The following UNC79 variants were observed in gnomAD, a reference collection of about 807,000 sequenced individuals.
UNC79 encodes the protein protein unc-79 homolog.
Under a neutral mutation model 283.1 loss-of-function variants are expected in UNC79, and 37 were observed. The observed-to-expected ratio is 0.13, with a 90% CI of 0.10 to 0.17. UNC79 has a LOEUF of 0.17. UNC79 is among the 10% of genes least tolerant of loss of function. The pLI is 1.00. For missense variants in UNC79, 2,272 were observed against 3,211.1 expected (o/e 0.71, Z 7.07); for synonymous variants, 1,107 against 1,200.2 (o/e 0.92, Z 1.61).
chr14:93,357,370 C>T (rs1295302552), intron 1 of UNC79, among the ~76,000 whole-genome samples: 1 of 151,848 alleles, frequency 6.6e-6, no homozygotes, highest in Non-Finnish European at 1.5e-5. Context: ...GAGGGTGTTG[C>T]CAAAGGAGAT....
intron 13 of UNC79, among the ~76,000 whole-genome samples, chr14:93,542,087 C>A (rs1479473459): frequency 2.0e-5 from 3 of 149,738 alleles, no homozygotes; most frequent in African/African-American, 7.4e-5. Flanking sequence ...TACTAATACA[C>A]AATTCTTAGC....
At chr14:93,614,127 A>G (rs970944142) in intron 27 of UNC79, among the ~76,000 whole-genome samples, 3 of 152,012 alleles carry the variant, frequency 2.0e-5, no homozygotes, top group East Asian at 1.9e-4. Context: ...TATACATACA[A>G]TTTGCCATTT....
chr14:93,617,394 A>C lies in UNC79; in HGVS notation c.4224+90A>C. The C allele has an allele frequency of 7.2e-7, 1 of 1,388,992 alleles. No individual in the cohort carries two copies. Among genetic ancestry groups the C allele is most frequent in the Non-Finnish European group, 9.7e-7 (1 of 1,036,042 alleles). The allele number at this position is 1,388,992 out of a possible 1,614,324, so 86.0% of individuals were successfully genotyped here. ...AGAACACCTGAGTCTTTAGTTGAAA[A>C]TTTTGTAGAAGTTTGACCTTCAGAA... On this transcript the variant is annotated intron_variant, in intron 28 of 48. Coordinates refer to ENST00000555664, the Ensembl canonical transcript of UNC79. This position sits in a 1 kb window ranked among gnomAD's most constrained non-coding sequence, Gnocchi z 4.5.
rs757260270 is a variant in UNC79, at chr14:93,704,683, G to T, written c.7590+17G>T. The stretch of plus-strand genomic sequence containing the variant: ...AATATCAAGGTAAGTCACTCCCTGG[G>T]CTGATTGGAAGCTCGGTTTCCTGCA... On this transcript the variant is annotated intron_variant, in intron 48 of 48. Transcript: ENST00000555664. 3 of 1,614,104 alleles carry T rather than the reference G, an allele frequency of 1.9e-6. No individual in the cohort carries two copies. In the South Asian group the frequency reaches 3.3e-5, roughly 18 times the overall value.
At chr14:93,446,433 T>C (rs2056462560) in intron 1 of UNC79, among the ~76,000 whole-genome samples, 2 of 151,646 alleles carry the variant, frequency 1.3e-5, no homozygotes, top group South Asian at 4.2e-4. Flanking sequence ...TTTTGCTCTG[T>C]TGCCCAGGCT....
intron 1 of UNC79, among the ~76,000 whole-genome samples, chr14:93,452,539 C>T (rs8007087): frequency 0.63 from 94,853 of 151,724 alleles, 30,409 homozygotes; most frequent in Middle Eastern, 0.77. Context: ...CAGGTGCTCA[C>T]CACCATGCCC....
At chr14:93,354,613 T>G (rs2054047926) in intron 1 of UNC79, among the ~76,000 whole-genome samples, 1 of 152,188 alleles carries the variant, frequency 6.6e-6, no homozygotes, top group Non-Finnish European at 1.5e-5. Context: ...TCCTCCCACC[T>G]CAGTCCCTTG....
chr14:93,589,226 A>G (rs1422639525), intron 22 of UNC79, among the ~76,000 whole-genome samples: 1 of 152,114 alleles, frequency 6.6e-6, no homozygotes, highest in Admixed American at 6.6e-5. Context: ...TTAGGAGTGG[A>G]CGAGAGCAAA....
chr14:93,347,858 A>T (rs1472858580), intron 1 of UNC79, among the ~76,000 whole-genome samples: 1 of 152,062 alleles, frequency 6.6e-6, no homozygotes, highest in African/African-American at 2.4e-5. Context: ...TTAAAAAAAA[A>T]AATCAGGTGA....
At chr14:93,584,106 A>G (rs2064036684) in intron 20 of UNC79, among the ~76,000 whole-genome samples, 2 of 152,108 alleles carry the variant, frequency 1.3e-5, no homozygotes, top group Admixed American at 6.5e-5. Context: ...ACACCCGGCC[A>G]TATGTTGGAA....
At chr14:93,384,065 A>G (rs2054719558) in intron 1 of UNC79, among the ~76,000 whole-genome samples, 1 of 152,214 alleles carries the variant, frequency 6.6e-6, no homozygotes, top group Non-Finnish European at 1.5e-5. Context: ...TGCATTTATC[A>G]GCAGCATGAA....
intron 17 of UNC79, 76 bp downstream of exon 17, chr14:93,575,274 A>G (rs1422151172): frequency 2.5e-6 from 4 of 1,592,576 alleles, no homozygotes; most frequent in African/African-American, 2.7e-5. Context: ...TACGCCTGAA[A>G]GTACTGTCAT....
chr14:93,697,258 C>G (rs2075203708), intron 47 of UNC79, among the ~76,000 whole-genome samples: 2 of 152,128 alleles, frequency 1.3e-5, no homozygotes, highest in Non-Finnish European at 2.9e-5. Flanking sequence ...GCCTCAGCCT[C>G]CTGAATAGCT....
At chr14:93,616,216 T>G (rs940552087) in intron 27 of UNC79, among the ~76,000 whole-genome samples, 1 of 152,164 alleles carries the variant, frequency 6.6e-6, no homozygotes, top group African/African-American at 2.4e-5. Flanking sequence ...TTATTGAATA[T>G]GGAGGTTGTT....
chr14:93,492,331 GGA>G (rs2058767594), intron 5 of UNC79, among the ~76,000 whole-genome samples: 1 of 152,104 alleles, frequency 6.6e-6, no homozygotes, highest in South Asian at 2.1e-4. Context: ...CTTGGGCCAA[GGA>G]TGAGTTTTAA....
chr14:93,450,595 A>C (rs1430919493), intron 1 of UNC79, among the ~76,000 whole-genome samples: 1 of 152,108 alleles, frequency 6.6e-6, no homozygotes, highest in Non-Finnish European at 1.5e-5. Flanking sequence ...CAGGGTTTTG[A>C]AGGCATTGCT....
intron 1 of UNC79, among the ~76,000 whole-genome samples, chr14:93,420,950 A>G (rs563302808): frequency 7.9e-5 from 12 of 151,840 alleles, no homozygotes; most frequent in African/African-American, 2.2e-4. Flanking sequence ...GGGATATAGC[A>G]AAAGCAGTAT....
intron 1 of UNC79, among the ~76,000 whole-genome samples, chr14:93,395,256 T>A (rs989719759): frequency 9.2e-5 from 14 of 152,214 alleles, no homozygotes; most frequent in Admixed American, 2.0e-4. Flanking sequence ...TTTGCCTTCA[T>A]TTTTAAAGAT....
At chr14:93,664,732 A>T (rs2071982996) in intron 40 of UNC79, among the ~76,000 whole-genome samples, 1 of 152,176 alleles carries the variant, frequency 6.6e-6, no homozygotes, top group Non-Finnish European at 1.5e-5. Flanking sequence ...GTTTGAATTT[A>T]TAATATCTGC....
Sources: gnomAD v4.1 joint callset for allele counts (sites outside exome capture counted in the v4.1 genomes callset) on GRCh38, gnomAD v4.1.1 for gene constraint, Gnocchi (gnomAD v3.1) non-coding constraint, MANE v1.5 for transcripts, NCBI Gene and HGNC (gene_info 2026-07-23, HGNC 2026-07-21) for gene names.